OPCML: variants seen among roughly 807,000 people sequenced by gnomAD.
The protein encoded by OPCML is opioid-binding protein/cell adhesion molecule.
Under a neutral mutation model 37.8 loss-of-function variants are expected in OPCML, and 13 were observed. The observed-to-expected ratio is 0.34, with a 90% confidence interval of 0.22 to 0.55. The LOEUF is 0.55. OPCML is among the 20% of genes least tolerant of loss of function. The pLI, the probability that OPCML is intolerant of heterozygous loss-of-function variation, is 0.91. For synonymous variants in OPCML, 176 were observed against 168.8 expected (o/e 1.04, Z -0.33); for missense variants, 341 against 435.6 (o/e 0.78, Z 1.93).
chr11:133,453,095 A>G (rs1285591870), intron 1 of OPCML, among the ~76,000 whole-genome samples: 8 of 152,216 alleles, frequency 5.3e-5, no homozygotes, highest in Non-Finnish European at 8.8e-5. Context: ...AGTAAACAGA[A>G]ATATCACTTT....
chr11:133,146,487 G>T (rs868698270), intron 1 of OPCML, among the ~76,000 whole-genome samples: 2 of 151,918 alleles, frequency 1.3e-5, no homozygotes, highest in Admixed American at 6.6e-5. Context: ...GCTAATTTTT[G>T]TACTTTTAGT....
chr11:133,163,009 C>T lies in OPCML; in HGVS notation c.62-219999G>A, dbSNP rs1440577087. ...TAAGAAAGGCTCTCCTAAGGCACGA[C>T]GTCATTACAAAGATGCAATGATAAC... On this transcript the variant is annotated intron_variant, in intron 1 of 7. Transcript: ENST00000524381. 3.3e-5 allele frequency among the ~76,000 whole-genome samples: 5 copies of T among 152,196 alleles called. 1 individual carries two copies. Among genetic ancestry groups the T allele is most frequent in the Admixed American group, 2.6e-4 (4 of 15,280 alleles).
chr11:132,597,024 T>A (rs1284289874), intron 3 of OPCML, among the ~76,000 whole-genome samples: 1 of 152,196 alleles, frequency 6.6e-6, no homozygotes, highest in Non-Finnish European at 1.5e-5. Context: ...ATAGAATCTA[T>A]GTAGACAGCA....
chr11:133,336,162 G>A (rs551371864), intron 1 of OPCML, among the ~76,000 whole-genome samples: 11 of 152,288 alleles, frequency 7.2e-5, no homozygotes, highest in East Asian at 3.9e-4. Context: ...AGTGAAGGCC[G>A]CATGATACAG....
intron 1 of OPCML, among the ~76,000 whole-genome samples, chr11:133,032,880 C>A (rs984835419): frequency 1.3e-5 from 2 of 152,186 alleles, no homozygotes; most frequent in African/African-American, 2.4e-5. Flanking sequence ...TGCTGAGCAA[C>A]CTACTGCTTC....
chr11:133,531,273 A>G (rs1255958570), intron 1 of OPCML, among the ~76,000 whole-genome samples: 2 of 152,266 alleles, frequency 1.3e-5, no homozygotes, highest in African/African-American at 2.4e-5. Context: ...GATGCCTTCA[A>G]TTTTGCAACG....
chr11:132,421,619 A>C (rs2095959466), intron 7 of OPCML, among the ~76,000 whole-genome samples: 1 of 152,216 alleles, frequency 6.6e-6, no homozygotes, highest in Admixed American at 6.5e-5. Flanking sequence ...CTTTCTACTT[A>C]AAATATACAT....
At chr11:133,299,954 A>T (rs1942738516) in intron 1 of OPCML, 1 of 152,232 alleles carries the variant, frequency 6.6e-6, no homozygotes, top group African/African-American at 2.4e-5. Flanking sequence ...ATACTGATTC[A>T]TTCACCCCTT....
chr11:132,745,241 G>A (rs886730635), intron 2 of OPCML, among the ~76,000 whole-genome samples: 1 of 152,052 alleles, frequency 6.6e-6, no homozygotes, highest in African/African-American at 2.4e-5. Flanking sequence ...CATGCCAGCC[G>A]CTTCTTTCCA....
At chr11:133,154,122 T>C (rs1565476074) in intron 1 of OPCML, among the ~76,000 whole-genome samples, 1 of 151,898 alleles carries the variant, frequency 6.6e-6, no homozygotes, top group South Asian at 2.1e-4. Context: ...CACGCTCATC[T>C]GTAGAGGGTC....
chr11:132,500,260 T>C (rs1408086603), intron 4 of OPCML, among the ~76,000 whole-genome samples: 1 of 152,224 alleles, frequency 6.6e-6, no homozygotes, highest in Non-Finnish European at 1.5e-5. Context: ...CATGCCTCAT[T>C]GTTGGATTAA....
intron 1 of OPCML, among the ~76,000 whole-genome samples, chr11:132,950,209 C>T (rs151032725): frequency 1.6e-3 from 251 of 152,222 alleles, no homozygotes; most frequent in African/African-American, 2.2e-3. Context: ...TCACTTTGAC[C>T]GCTGTGTAGA....
chr11:133,127,118 T>C (rs1264519826), intron 1 of OPCML, among the ~76,000 whole-genome samples: 2 of 152,284 alleles, frequency 1.3e-5, no homozygotes, highest in Admixed American at 6.5e-5. Context: ...ATCTGCCCCT[T>C]TCCCTCTTTT....
rs1592074933 is a variant in OPCML at position 133,175,910 on chromosome 11, A to C, written c.62-232900T>G. On this transcript the variant is annotated intron_variant, in intron 1 of 7. Coordinates refer to ENST00000524381, the MANE Select transcript of OPCML (RefSeq NM_001012393.5). The stretch of plus-strand genomic sequence containing the variant: ...AAAGTCGTGCCTGTGGTTATGAAAA[A>C]ATGTTCAACTAACCTAGAAGAGTTC... 2.0e-5 allele frequency among the ~76,000 whole-genome samples: 3 copies of C among 152,306 alleles called. No homozygotes were observed. The East Asian group carries it at 5.8e-4, about 29-fold the overall frequency.
intron 1 of OPCML, among the ~76,000 whole-genome samples, chr11:133,175,302 G>T (rs1950351151): frequency 6.6e-6 from 1 of 152,146 alleles, no homozygotes; most frequent in Admixed American, 6.5e-5. Flanking sequence ...ACTCACATCT[G>T]CTGTGAGTCC....
chr11:133,164,583 C>A (rs766956814), intron 1 of OPCML, among the ~76,000 whole-genome samples: 1 of 152,174 alleles, frequency 6.6e-6, no homozygotes, highest in Non-Finnish European at 1.5e-5. Flanking sequence ...ATTTGAATAA[C>A]GAGGACAATT....
intron 1 of OPCML, among the ~76,000 whole-genome samples, chr11:133,222,045 G>T (rs1238662671): frequency 6.6e-6 from 1 of 152,154 alleles, no homozygotes; most frequent in African/African-American, 2.4e-5. Flanking sequence ...CCAAGCTCAG[G>T]GCAGTAATCG....
chr11:132,518,422 G>A (rs892922903), intron 4 of OPCML, among the ~76,000 whole-genome samples: 1 of 152,120 alleles, frequency 6.6e-6, no homozygotes, highest in Non-Finnish European at 1.5e-5. Context: ...AGGGCTGTAG[G>A]CAATCTGGTC....
chr11:132,737,034 T>C (rs893996354), intron 2 of OPCML, among the ~76,000 whole-genome samples: 1 of 152,162 alleles, frequency 6.6e-6, no homozygotes, highest in Admixed American at 6.5e-5. Context: ...TCCTTGGAGA[T>C]GAAGAGAACA....
Sources: allele counts gnomAD v4.1 joint callset (sites outside exome capture counted in the v4.1 genomes callset), GRCh38; gene constraint gnomAD v4.1.1; transcripts MANE v1.5; gene names NCBI Gene and HGNC (gene_info 2026-07-23, HGNC 2026-07-21).